The following RBMS3 variants were observed in gnomAD, a reference collection of about 807,000 sequenced individuals.
RBMS3 encodes RNA binding motif single stranded interacting protein 3.
Under a neutral mutation model 66.8 loss-of-function variants are expected in RBMS3, and 27 were observed. The observed-to-expected ratio is 0.40, with a 90% CI of 0.30 to 0.56. RBMS3 has a LOEUF of 0.56. Among genes scored for constraint, RBMS3 ranks in the 20% least tolerant of loss-of-function variants. The pLI is 0.40. For synonymous variants in RBMS3, 188 were observed against 183.0 expected (o/e 1.03, Z -0.22); for missense variants, 513 against 549.5 (o/e 0.93, Z 0.66).
In RBMS3 at chr3:29,654,646, C is replaced by T. The variant is rs534998915; in HGVS notation, c.399+67441C>T. On this transcript the variant is annotated intron_variant, in intron 4 of 14. Transcript: ENST00000383767. ...CATTCTGTCACTCAAGCTGGAGTGC[C>T]GTGGTGCAATCTTGGCTCACTGTAT... 2.3e-4 allele frequency among the ~76,000 whole-genome samples: 34 copies of T among 150,112 alleles called. No individual in the cohort carries two copies. The Middle Eastern group carries it at 0.01, about 46-fold the overall frequency.
At chr3:29,720,391 T>C (rs911746643) in intron 4 of RBMS3, among the ~76,000 whole-genome samples, 5 of 152,136 alleles carry the variant, frequency 3.3e-5, no homozygotes, top group African/African-American at 1.2e-4. Flanking sequence ...AGGAAAGATA[T>C]TAACATTTAC....
intron 4 of RBMS3, among the ~76,000 whole-genome samples, chr3:29,712,530 C>A (rs532307544): frequency 1.2e-4 from 18 of 152,200 alleles, no homozygotes; most frequent in African/African-American, 4.1e-4. Flanking sequence ...CCAGGCTGGT[C>A]TCAAACTCCT....
At chr3:29,507,638 T>C (rs186436132) in intron 3 of RBMS3, among the ~76,000 whole-genome samples, 12 of 152,276 alleles carry the variant, frequency 7.9e-5, no homozygotes, top group Admixed American at 7.8e-4. Flanking sequence ...ACTTCTTTGA[T>C]GGGGAGAGCA....
chr3:29,849,525 G>GA (rs5847599), intron 6 of RBMS3, among the ~76,000 whole-genome samples: 7,021 of 107,240 alleles, frequency 0.065, 193 homozygotes, highest in Non-Finnish European at 0.074. Context: ...ACTTAAAAAA[G>GA]AAAAAAAAAA....
intron 6 of RBMS3, among the ~76,000 whole-genome samples, chr3:29,787,522 G>A (rs2056860345): frequency 6.6e-6 from 1 of 152,154 alleles, no homozygotes; most frequent in Non-Finnish European, 1.5e-5. Flanking sequence ...ATGAAATAAT[G>A]GCATTTGCAG....
chr3:29,847,395 A>G (rs1317736270), intron 6 of RBMS3, among the ~76,000 whole-genome samples: 2 of 152,160 alleles, frequency 1.3e-5, no homozygotes, highest in African/African-American at 2.4e-5. Flanking sequence ...CAGAGTTCCA[A>G]TTTCAGCACA....
chr3:29,569,398 A>C (rs1373634682), intron 3 of RBMS3, among the ~76,000 whole-genome samples: 2 of 152,168 alleles, frequency 1.3e-5, no homozygotes, highest in African/African-American at 4.8e-5. Flanking sequence ...AAATTACATC[A>C]AAATGTTCTT....
At chr3:29,950,704 G>A (rs1695627573) in intron 12 of RBMS3, among the ~76,000 whole-genome samples, 1 of 151,772 alleles carries the variant, frequency 6.6e-6, no homozygotes, top group Admixed American at 6.6e-5. Context: ...CTATTGAAAT[G>A]TTTTCTCTCA....
chr3:29,921,145 C>T (rs1269583260), intron 10 of RBMS3, among the ~76,000 whole-genome samples: 3 of 152,074 alleles, frequency 2.0e-5, no homozygotes, highest in East Asian at 3.9e-4. Context: ...TCACTGTAAC[C>T]TCTCCCTCCC....
At chr3:29,440,562 C>T (rs1203953233) in intron 2 of RBMS3, among the ~76,000 whole-genome samples, 1 of 152,144 alleles carries the variant, frequency 6.6e-6, no homozygotes, top group Non-Finnish European at 1.5e-5. Context: ...AGTCATGACA[C>T]CCTAGCATTT....
intron 3 of RBMS3, among the ~76,000 whole-genome samples, chr3:29,583,850 C>T (rs148533054): frequency 6.6e-6 from 1 of 152,202 alleles, no homozygotes; most frequent in African/African-American, 2.4e-5. Flanking sequence ...TACATGAATA[C>T]TCAGCAGTTT....
At chr3:29,475,358 C>T (rs1042907707) in intron 2 of RBMS3, among the ~76,000 whole-genome samples, 3 of 151,676 alleles carry the variant, frequency 2.0e-5, no homozygotes, top group African/African-American at 7.3e-5. Flanking sequence ...AAGCAATTCT[C>T]CTGCTTCAGC....
intron 1 of RBMS3, among the ~76,000 whole-genome samples, chr3:29,320,258 T>C (rs1035211555): frequency 3.3e-5 from 5 of 152,048 alleles, no homozygotes; most frequent in Admixed American, 1.3e-4. Context: ...ACGGAGGTTC[T>C]ACAAAATAGG....
At chr3:29,363,511 C>T (rs1020151337) in intron 1 of RBMS3, among the ~76,000 whole-genome samples, 1 of 152,082 alleles carries the variant, frequency 6.6e-6, no homozygotes, top group East Asian at 1.9e-4. Context: ...AACTATTTGC[C>T]GGGCGTGGTG....
chr3:29,351,272 T>G (rs1355961231), intron 1 of RBMS3, among the ~76,000 whole-genome samples: 1 of 152,148 alleles, frequency 6.6e-6, no homozygotes, highest in East Asian at 1.9e-4. Flanking sequence ...TAGGATTAAT[T>G]TCTCTAAGAG....
chr3:29,995,796 C>T (rs566476187), intron 14 of RBMS3, among the ~76,000 whole-genome samples: 28 of 152,146 alleles, frequency 1.8e-4, no homozygotes, highest in African/African-American at 6.0e-4. Flanking sequence ...ACAACCGGTA[C>T]CAGCCACTGC....
At chr3:29,450,078 G>A (rs1391363852) in intron 2 of RBMS3, among the ~76,000 whole-genome samples, 2 of 152,194 alleles carry the variant, frequency 1.3e-5, no homozygotes, top group Non-Finnish European at 2.9e-5. Flanking sequence ...TGCCAAGAAG[G>A]AAACAAACTA....
chr3:29,358,344 T>C (rs1294609458), intron 1 of RBMS3, among the ~76,000 whole-genome samples: 1 of 152,314 alleles, frequency 6.6e-6, no homozygotes, highest in East Asian at 1.9e-4. Context: ...TTGTTAAAGA[T>C]CAGATAGTTG....
At chr3:29,502,799 T>A (rs561385910) in intron 3 of RBMS3, among the ~76,000 whole-genome samples, 1 of 152,146 alleles carries the variant, frequency 6.6e-6, no homozygotes, top group South Asian at 2.1e-4. Flanking sequence ...AGTGGGAAAA[T>A]AGCCTCAGAA....
Sources: gnomAD v4.1 joint callset for allele counts (sites outside exome capture counted in the v4.1 genomes callset) on GRCh38, gnomAD v4.1.1 for gene constraint, MANE v1.5 for transcripts, NCBI Gene and HGNC (gene_info 2026-07-23, HGNC 2026-07-21) for gene names.